CA14: variants seen among roughly 807,000 people sequenced by gnomAD.
CA14 encodes the protein carbonic anhydrase 14.
In CA14, 44 loss-of-function variants were observed where a neutral mutation model predicts 48.8. The observed-to-expected ratio is 0.90, with a 90% confidence interval of 0.71 to 1.16. The LOEUF is 1.16. CA14 is among the 50% of genes most tolerant of loss of function. The pLI, the probability that CA14 is intolerant of heterozygous loss-of-function variation, is 0.00. For missense variants in CA14, 386 were observed against 401.0 expected (o/e 0.96, Z 0.32); for synonymous variants, 154 against 155.0 (o/e 0.99, Z 0.05).
chr1:150,259,355 G>C (rs1221042753), intron 1 of CA14, among the ~76,000 whole-genome samples: 4 of 152,170 alleles, frequency 2.6e-5, no homozygotes, highest in African/African-American at 9.7e-5. Flanking sequence ...TGGACCTGCA[G>C]ACCCTCAGCC....
intron 5 of CA14, 23 bp from the exon 6 acceptor site, chr1:150,262,781 C>G (rs1387177106): frequency 5.7e-6 from 9 of 1,580,842 alleles, no homozygotes; most frequent in Non-Finnish European, 7.0e-6. Context: ...ATTCCAAACT[C>G]TCTCCCTTTC....
intron 4 of CA14, 96 bp from the exon 5 acceptor site, chr1:150,262,429 C>T (rs1651119220): frequency 1.4e-6 from 2 of 1,476,454 alleles, no homozygotes; most frequent in Non-Finnish European, 1.9e-6. Context: ...AGACTTAGTG[C>T]CTGCCGGGGA....
At chr1:150,259,126 TA>T (rs1391093234) in intron 1 of CA14, among the ~76,000 whole-genome samples, 2 of 152,172 alleles carry the variant, frequency 1.3e-5, no homozygotes, top group Non-Finnish European at 1.5e-5. Flanking sequence ...ACAGATATGG[TA>T]AAATGAGAGG....
chr1:150,258,059 C>A lies in CA14; in HGVS notation c.-70C>A. On this transcript the variant is annotated 5_prime_UTR_variant, in exon 1 of 11. Coordinates refer to ENST00000369111, the MANE Select transcript of CA14 (RefSeq NM_012113.3). ...CTCTCTCTCTCTCACTCCTCCCTCCCTCTCTCTCTGCCTGTCCTAGTCCTC... is the reference window on the plus strand; with the variant it reads ...CTCTCTCTCTCTCACTCCTCCCTCCATCTCTCTCTGCCTGTCCTAGTCCTC... The A allele has an allele frequency of 8.5e-7, 1 of 1,173,406 alleles. No homozygotes were observed. The highest frequency in any genetic ancestry group is 1.2e-6 in the Non-Finnish European group (1 of 822,364). 72.7% of individuals were successfully genotyped at this position (1,173,406 alleles called of 1,614,324 possible). A position where few individuals can be genotyped will look rare whatever the true frequency, so the allele number is the denominator to read the frequency against.
chr1:150,258,081 C>A lies in CA14; in HGVS notation c.-48C>A. The stretch of plus-strand genomic sequence containing the variant: ...TCCCTCTCTCTCTGCCTGTCCTAGT[C>A]CTCTAGTCCTCAAATTCCCAGTCCC... On this transcript the variant is annotated 5_prime_UTR_variant, in exon 1 of 11. Coordinates refer to ENST00000369111, the MANE Select transcript of CA14 (RefSeq NM_012113.3). 2 of 1,487,384 alleles carry A rather than the reference C, an allele frequency of 1.3e-6. No individual in the cohort carries two copies. Among genetic ancestry groups the A allele is most frequent in the Non-Finnish European group, 1.9e-6 (2 of 1,076,924 alleles). The allele number at this position is 1,487,384 out of a possible 1,614,324, so 92.1% of individuals were successfully genotyped here.
At chr1:150,263,915 C>A (rs57004278) in intron 10 of CA14, 37 bp downstream of exon 10, 47 of 859,830 alleles carry the variant, frequency 5.5e-5, no homozygotes, top group Middle Eastern at 3.7e-4. Flanking sequence ...GTCCCTTCTT[C>A]TTTTTTTTTT....
At chr1:150,260,707 C>T in intron 2 of CA14, 1 of 173,072 alleles carries the variant, frequency 5.8e-6, no homozygotes, top group South Asian at 1.2e-4. Flanking sequence ...ATCTGAATCC[C>T]AAGGCCACTT....
chr1:150,263,288 C>T lies in CA14; in HGVS notation c.721-11C>T. On this transcript the variant is annotated splice_polypyrimidine_tract_variant and intron_variant, in intron 7 of 10. Transcript: ENST00000369111. ...CCAAAGTAACACCTCTCCCACGCTT[C>T]TGCTCCTCAGCTGGAAAAGCTTCAG... The T allele has an allele frequency of 6.2e-7, 1 of 1,614,166 alleles. No homozygotes were observed. Among genetic ancestry groups the T allele is most frequent in the Non-Finnish European group, 8.5e-7 (1 of 1,180,014 alleles).
In CA14 at chr1:150,262,166, T is replaced by C. The variant is rs1651093014; in HGVS notation, c.265T>C (p.Ser89Pro). 1.2e-6 allele frequency: 2 copies of C among 1,614,014 alleles called. No individual in the cohort carries two copies. Among genetic ancestry groups the C allele is most frequent in the South Asian group, 1.1e-5 (1 of 91,088 alleles). ...LHNNGHTVQL[S>P]LPSTLYLGGL... ...TGCTCTTTTCCTCACAGTGCAACTC[T>C]CTCTGCCCTCTACCCTGTATCTGGG... Residue 89 changes from serine (S) to proline (P), a missense_variant, in exon 4 of 11, where the codon TCT (serine) becomes CCT (proline). Transcript: ENST00000369111.
chr1:150,259,573 A>AG (rs1363035078), intron 1 of CA14, among the ~76,000 whole-genome samples: 5 of 151,982 alleles, frequency 3.3e-5, no homozygotes, highest in African/African-American at 4.8e-5. Context: ...CCTGGTGATG[A>AG]GGAGTTTCCT....
chr1:150,260,485 C>A, intron 2 of CA14: 1 of 469,594 alleles, frequency 2.1e-6, no homozygotes, highest in Non-Finnish European at 4.0e-6. Flanking sequence ...CTTCTGGCTC[C>A]GTCTATCCTA....
rs781963128 is a variant in CA14 at position 150,260,133 on chromosome 1, A to G, written c.56-18A>G. 2.5e-5 allele frequency: 40 copies of G among 1,613,046 alleles called. No individual in the cohort carries two copies. The South Asian group carries it at 4.3e-4, about 17-fold the overall frequency. On this transcript the variant is annotated intron_variant, in intron 1 of 10. Transcript: ENST00000369111. ...CCCAGGCTGCGCTGGCTGTAACCCA[A>G]ACTATTCTGCCTTGCAGGTCAACAC...
chr1:150,263,633 C>T (rs782359130), intron 8 of CA14, 26 bp from the exon 9 acceptor site: 3 of 1,613,482 alleles, frequency 1.9e-6, no homozygotes, highest in Non-Finnish European at 2.5e-6. Flanking sequence ...TCTGAAGTCC[C>T]ACTGACCCAT....
chr1:150,259,037 A>G (rs749620938), intron 1 of CA14, among the ~76,000 whole-genome samples: 19 of 152,182 alleles, frequency 1.2e-4, no homozygotes, highest in Non-Finnish European at 1.3e-4. Context: ...AGGAAGAGAC[A>G]GAATAAGTGT....
chr1:150,263,394 C>A lies in CA14; in HGVS notation c.816C>A (p.Arg272=), dbSNP rs373907752. ...GAGCCCTTCAGCCTCTCAATCAGCG[C>A]ATGGTCTTTGCTTCTTTCATCCAAG... ...NYRALQPLNQ[R]MVFASFIQAG... is the part of the protein sequence containing the mutation. The change falls in exon 8 of 11, where the codon CGC becomes CGA. Residue 272 remains arginine, a synonymous_variant. Coordinates refer to ENST00000369111, the MANE Select transcript of CA14 (RefSeq NM_012113.3). 32 of 1,614,078 alleles carry A rather than the reference C, an allele frequency of 2.0e-5. No individual in the cohort carries two copies. The highest frequency in any genetic ancestry group is 2.6e-5 in the Non-Finnish European group (31 of 1,180,058).
intron 1 of CA14, among the ~76,000 whole-genome samples, chr1:150,258,499 C>A (rs1553847206): frequency 6.6e-6 from 1 of 152,130 alleles, no homozygotes; most frequent in Non-Finnish European, 1.5e-5. Flanking sequence ...TGGTCCCAGG[C>A]AGGACTCCTG....
At chr1:150,259,828 G>A (rs1467383067) in intron 1 of CA14, among the ~76,000 whole-genome samples, 1 of 152,016 alleles carries the variant, frequency 6.6e-6, no homozygotes, top group African/African-American at 2.4e-5. Context: ...CTTGGCACAG[G>A]TTACAGAAAA....
intron 2 of CA14, chr1:150,260,668 G>A (rs1411949260): frequency 1.4e-5 from 3 of 208,194 alleles, no homozygotes; most frequent in Non-Finnish European, 2.9e-5. Context: ...CAGTGTGAGA[G>A]CAAGAAGTGA....
chr1:150,258,040 C>G lies in CA14; in HGVS notation c.-89C>G. 1.1e-6 allele frequency: 1 copy of G among 945,980 alleles called. No individual in the cohort carries two copies. Among genetic ancestry groups the G allele is most frequent in the South Asian group, 1.8e-5 (1 of 55,090 alleles). 58.6% of individuals were successfully genotyped at this position (945,980 alleles called of 1,614,324 possible). On this transcript the variant is annotated 5_prime_UTR_variant, in exon 1 of 11. Transcript: ENST00000369111. Reference sequence around the variant, plus strand: ...AGGAGCTCGCTCGCTCTCTCTCTCTCTCTCTCACTCCTCCCTCCCTCTCTC... The same window carrying G: ...AGGAGCTCGCTCGCTCTCTCTCTCTGTCTCTCACTCCTCCCTCCCTCTCTC...
Sources: allele counts gnomAD v4.1 joint callset (sites outside exome capture counted in the v4.1 genomes callset), GRCh38; gene constraint gnomAD v4.1.1; transcripts MANE v1.5; gene names NCBI Gene and HGNC (gene_info 2026-07-23, HGNC 2026-07-21).